Variants in MBIP observed in about 807,000 individuals in gnomAD.
MBIP encodes MAP3K12-binding inhibitory protein 1.
In MBIP, 32 loss-of-function variants were observed where a neutral mutation model predicts 45.7. The ratio of observed to expected loss-of-function variants is 0.70; its 90% CI spans 0.53 to 0.94. The LOEUF (loss-of-function observed/expected upper bound fraction) is 0.94. MBIP is among the 40% of genes least tolerant of loss of function. MBIP has a pLI of 0.00. For missense variants in MBIP, 381 were observed against 405.5 expected (o/e 0.94, Z 0.52); for synonymous variants, 145 against 141.0 (o/e 1.03, Z -0.20).
intron 4 of MBIP, among the ~76,000 whole-genome samples, chr14:36,312,767 T>C (rs1009109652): frequency 8.6e-5 from 13 of 150,938 alleles, no homozygotes; most frequent in African/African-American, 2.7e-4. Flanking sequence ...ATTAACATAA[T>C]TGTTATATAT....
At chr14:36,307,591 A>G (rs1290304795) in intron 7 of MBIP, among the ~76,000 whole-genome samples, 2 of 152,208 alleles carry the variant, frequency 1.3e-5, no homozygotes, top group Non-Finnish European at 2.9e-5. Flanking sequence ...TGAATGCTAG[A>G]GTTAAGGAAT....
In MBIP at chr14:36,311,713, A is replaced by G. The variant is rs777312630; in HGVS notation, c.650T>C (p.Val217Ala). ...TCTAGTCTGTGGTCCGTATGTATTC[A>G]CAACTCTAGAAACTAAATTAAGAAA... ...FKSHVKVSRV[V>A]NTYGPQTRPE... The change falls in exon 6 of 9, where the codon GTG becomes GCG. Residue 217 changes from valine (V) to alanine (A), a missense_variant. By Grantham distance (64) the Val-to-Ala change is moderately conservative. Transcript: ENST00000416007. 6.3e-7 allele frequency: 1 copy of G among 1,599,520 alleles called. No homozygotes were observed. Among genetic ancestry groups the G allele is most frequent in the African/African-American group, 1.3e-5 (1 of 74,198 alleles).
intron 2 of MBIP, among the ~76,000 whole-genome samples, chr14:36,316,298 T>A (rs1181803274): frequency 6.6e-6 from 1 of 152,138 alleles, no homozygotes; most frequent in Non-Finnish European, 1.5e-5. Flanking sequence ...CATGCTGGGA[T>A]AATGCCCCTT....
At chr14:36,314,274 C>T in intron 4 of MBIP, 1 of 405,192 alleles carries the variant, frequency 2.5e-6, no homozygotes, top group Non-Finnish European at 4.4e-6. Context: ...ATAATCTTCA[C>T]CTGTGATAAA....
intron 6 of MBIP, 27 bp downstream of exon 6, chr14:36,311,546 T>C (rs764323606): frequency 6.4e-7 from 1 of 1,568,998 alleles, no homozygotes; most frequent in Admixed American, 1.9e-5. Flanking sequence ...AGGTTCATTA[T>C]GAGGTGCCAC....
At chr14:36,307,698 A>G (rs976551164) in intron 7 of MBIP, among the ~76,000 whole-genome samples, 1 of 152,154 alleles carries the variant, frequency 6.6e-6, no homozygotes, top group Non-Finnish European at 1.5e-5. Context: ...GAGCTGAGAG[A>G]AGGAGCCTGT....
chr14:36,317,744 C>CTA (rs1880661255), intron 1 of MBIP, among the ~76,000 whole-genome samples: 1 of 152,120 alleles, frequency 6.6e-6, no homozygotes, highest in East Asian at 1.9e-4. Flanking sequence ...TAGTATAAGA[C>CTA]TATACTTCAT....
chr14:36,316,681 C>A lies in MBIP; in HGVS notation c.249+12G>T. ...TTCAATATCGGGTTATCATTTCTAA[C>A]AAGAAATTTACCTGTAAATATAAAA... is the stretch of plus-strand genomic sequence containing the variant. On this transcript the variant is annotated intron_variant, in intron 2 of 8. Transcript: ENST00000416007. The A allele has an allele frequency of 6.3e-7, 1 of 1,589,878 alleles. No homozygotes were observed. The highest frequency in any genetic ancestry group is 1.7e-4 in the Middle Eastern group (1 of 5,950).
intron 5 of MBIP, 73 bp from the exon 6 acceptor site, chr14:36,311,798 C>A: frequency 7.4e-7 from 1 of 1,351,592 alleles, no homozygotes; most frequent in South Asian, 1.5e-5. Flanking sequence ...CTTAACAGCA[C>A]TTTATATTTT....
chr14:36,312,423 T>G (rs1880266467), intron 4 of MBIP, among the ~76,000 whole-genome samples: 1 of 152,132 alleles, frequency 6.6e-6, no homozygotes, highest in Non-Finnish European at 1.5e-5. Context: ...CATTTTTTAT[T>G]TTAATGACCA....
In MBIP at chr14:36,320,628, A is replaced by T; in HGVS notation, c.-40T>A. 6.4e-7 allele frequency: 1 copy of T among 1,568,044 alleles called. No individual in the cohort carries two copies. The highest frequency in any genetic ancestry group is 8.6e-7 in the Non-Finnish European group (1 of 1,157,186). On this transcript the variant is annotated 5_prime_UTR_variant, in exon 1 of 9. Transcript: ENST00000416007. Reference sequence around the variant, plus strand: ...CCGCCCCACCACCACCACCACCAAGATTTGCTCACAACCCCGCCCCCTCCC... The same window carrying T: ...CCGCCCCACCACCACCACCACCAAGTTTTGCTCACAACCCCGCCCCCTCCC...
At chr14:36,319,986 A>C in intron 1 of MBIP, 1 of 165,820 alleles carries the variant, frequency 6.0e-6, no homozygotes, top group East Asian at 1.8e-4. Context: ...GAAGGAAAAA[A>C]GAAATAAACA....
chr14:36,298,935 T>G lies in MBIP; in HGVS notation c.*148A>C. On this transcript the variant is annotated 3_prime_UTR_variant, in exon 9 of 9. Transcript: ENST00000416007. ...AAAACTTACTGGAATATTTGAAGAT[T>G]ACTTGCTGCAAGCTGGACTCATGTG... The G allele has an allele frequency of 2.0e-6, 1 of 494,126 alleles. No homozygotes were observed. The allele number at this position is 494,126 out of a possible 1,614,324, so 30.6% of individuals were successfully genotyped here. A position where few individuals can be genotyped will look rare whatever the true frequency, so the allele number is the denominator to read the frequency against.
Position 36,316,924 on chromosome 14 carries a change from ATCAAGTTT to A in MBIP, c.130-120_130-113del, listed in dbSNP as rs1191122168. On this transcript the variant is annotated intron_variant, in intron 1 of 8. Coordinates refer to ENST00000416007, the MANE Select transcript of MBIP (RefSeq NM_016586.3). ...TAACGGGTCTATTTTGCTCTAAGTT[ATCAAGTTT>A]TTAATAATACACTGAAATGCTCTAC... The A allele has an allele frequency of 2.9e-5, 34 of 1,157,216 alleles. No homozygotes were observed. In the East Asian group the frequency reaches 8.2e-4, roughly 28 times the overall value. The allele number at this position is 1,157,216 out of a possible 1,614,324, so 71.7% of individuals were successfully genotyped here.
chr14:36,316,625 C>T, intron 2 of MBIP, 68 bp downstream of exon 2: 1 of 1,429,210 alleles, frequency 7.0e-7, no homozygotes, highest in Non-Finnish European at 9.6e-7. Flanking sequence ...GTCAAATACT[C>T]CAACTAACTT....
In MBIP at chr14:36,314,624, T is replaced by G; in HGVS notation, c.475-16A>C. The G allele has an allele frequency of 6.2e-7, 1 of 1,608,402 alleles. No homozygotes were observed. The highest frequency in any genetic ancestry group is 8.5e-7 in the Non-Finnish European group (1 of 1,176,606). ...GTCTGTCAATCTACAAACAACAAGT[T>G]TTAACAGTGTAAACATAAGATTTTT... is the stretch of plus-strand genomic sequence containing the variant. On this transcript the variant is annotated splice_polypyrimidine_tract_variant and intron_variant, in intron 3 of 8. Transcript: ENST00000416007.
At chr14:36,307,228 A>G (rs1332540557) in intron 7 of MBIP, among the ~76,000 whole-genome samples, 3 of 152,176 alleles carry the variant, frequency 2.0e-5, no homozygotes, top group Non-Finnish European at 2.9e-5. Context: ...ACTCACTCTT[A>G]TACTCAATCT....
At chr14:36,307,215 G>C (rs1879936646) in intron 7 of MBIP, among the ~76,000 whole-genome samples, 1 of 152,022 alleles carries the variant, frequency 6.6e-6, no homozygotes, top group East Asian at 1.9e-4. Flanking sequence ...CTTCTTTTCT[G>C]TAACTCACTC....
intron 7 of MBIP, among the ~76,000 whole-genome samples, chr14:36,306,181 T>G (rs1566549271): frequency 6.6e-6 from 1 of 152,082 alleles, no homozygotes. Context: ...CTATCCTATC[T>G]GTAACAGATC....
Sources: allele counts gnomAD v4.1 joint callset (sites outside exome capture counted in the v4.1 genomes callset), GRCh38; gene constraint gnomAD v4.1.1; transcripts MANE v1.5; gene names NCBI Gene and HGNC (gene_info 2026-07-23, HGNC 2026-07-21).